Variants in GRIA1 observed in about 807,000 individuals in gnomAD.
GRIA1 encodes glutamate ionotropic receptor AMPA type subunit 1.
A neutral mutation model predicts 99.2 loss-of-function variants in GRIA1; 31 were observed. That is an observed-to-expected ratio of 0.31 (90% CI 0.23 to 0.42). The LOEUF is 0.42. Among genes scored for constraint, GRIA1 ranks in the 10% least tolerant of loss-of-function variants. The pLI, the probability that GRIA1 is intolerant of heterozygous loss-of-function variation, is 1.00. For missense variants in GRIA1, 782 were observed against 1,157.5 expected (o/e 0.68, Z 4.71); for synonymous variants, 438 against 432.4 (o/e 1.01, Z -0.16).
At chr5:153,559,006 G>A (rs941187551) in intron 2 of GRIA1, among the ~76,000 whole-genome samples, 85 of 152,300 alleles carry the variant, frequency 5.6e-4, no homozygotes, top group African/African-American at 1.9e-3. Context: ...TAGGATTGAA[G>A]TGCTTCCCAC....
At chr5:153,559,661 C>T (rs772269245) in intron 2 of GRIA1, among the ~76,000 whole-genome samples, 2 of 152,134 alleles carry the variant, frequency 1.3e-5, no homozygotes, top group Non-Finnish European at 2.9e-5. Flanking sequence ...AACACAAACA[C>T]ATTAGTAATG....
intron 2 of GRIA1, among the ~76,000 whole-genome samples, chr5:153,630,826 G>A (rs1274454269): frequency 6.6e-6 from 1 of 152,232 alleles, no homozygotes; most frequent in African/African-American, 2.4e-5. Context: ...GGCTGTGGTG[G>A]TGGTGGTTGC....
chr5:153,671,783 A>G (rs765551610), intron 5 of GRIA1, among the ~76,000 whole-genome samples: 1 of 152,232 alleles, frequency 6.6e-6, no homozygotes, highest in Non-Finnish European at 1.5e-5. Context: ...CTCTAGGAGC[A>G]GGTTCTAGGA....
chr5:153,668,287 T>C (rs973563163), intron 5 of GRIA1, among the ~76,000 whole-genome samples: 3 of 152,204 alleles, frequency 2.0e-5, no homozygotes, highest in African/African-American at 7.2e-5. Flanking sequence ...TGGTCTTCTC[T>C]CCAAAATCTT....
chr5:153,560,324 C>T (rs1021321969), intron 2 of GRIA1, among the ~76,000 whole-genome samples: 1 of 152,144 alleles, frequency 6.6e-6, no homozygotes, highest in Admixed American at 6.5e-5. Context: ...TTGTCATCTC[C>T]TTCTAGATAA....
intron 5 of GRIA1, among the ~76,000 whole-genome samples, chr5:153,661,947 G>T (rs527796683): frequency 6.6e-6 from 1 of 152,150 alleles, no homozygotes; most frequent in Non-Finnish European, 1.5e-5. Flanking sequence ...TGATGGAAAA[G>T]TCCTACCTCT....
chr5:153,796,318 G>A (rs544956656), intron 14 of GRIA1, among the ~76,000 whole-genome samples: 13 of 152,172 alleles, frequency 8.5e-5, no homozygotes, highest in African/African-American at 2.9e-4. Context: ...TTTGCTTCAC[G>A]TGTTCCTTTA....
rs547704226 is a variant in GRIA1, at chr5:153,491,332, T to C, written c.82+362T>C. The C allele has an allele frequency of 6.9e-6, 8 of 1,167,368 alleles. No homozygotes were observed. The South Asian group carries it at 1.9e-4, about 28-fold the overall frequency. 72.3% of individuals were successfully genotyped at this position (1,167,368 alleles called of 1,614,324 possible). ...AGATGGTGCTTGATTCCATTTTTAA[T>C]GTAAGTATGTATGGTGTGTGTGTTT... On this transcript the variant is annotated intron_variant, in intron 1 of 15. Transcript: ENST00000285900.
At chr5:153,689,778 T>C (rs1581474995) in intron 8 of GRIA1, among the ~76,000 whole-genome samples, 1 of 152,298 alleles carries the variant, frequency 6.6e-6, no homozygotes, top group East Asian at 1.9e-4. Context: ...CCTACTCACA[T>C]TGTTCCTCTC....
At chr5:153,776,900 C>T (rs1764291487) in intron 13 of GRIA1, among the ~76,000 whole-genome samples, 1 of 152,158 alleles carries the variant, frequency 6.6e-6, no homozygotes, top group Non-Finnish European at 1.5e-5. Flanking sequence ...TAGGCCTTCC[C>T]TGGAATCCTT....
chr5:153,642,771 T>A (rs1281763707), intron 2 of GRIA1, among the ~76,000 whole-genome samples: 1 of 152,068 alleles, frequency 6.6e-6, no homozygotes, highest in African/African-American at 2.4e-5. Flanking sequence ...ACACACAGAG[T>A]TCTGATTCTG....
intron 13 of GRIA1, among the ~76,000 whole-genome samples, chr5:153,793,462 G>A (rs1468034007): frequency 6.6e-6 from 1 of 152,166 alleles, no homozygotes; most frequent in Non-Finnish European, 1.5e-5. Flanking sequence ...GTAATCCTTA[G>A]GAGAAAGTAG....
chr5:153,716,417 G>A lies in GRIA1; in HGVS notation c.1823+10350G>A, dbSNP rs113957407. Among the ~76,000 whole-genome samples the A allele has an allele frequency of 8.7e-3, 1,328 of 152,214 alleles. 16 individuals carry two copies. The highest frequency in any genetic ancestry group is 0.03 in the African/African-American group (1,243 of 41,546). The stretch of plus-strand genomic sequence containing the variant: ...GATTGTTATAATTTTTTAAAAAGTG[G>A]GAGACATCCTTTTTCCTTTATAGGA... On this transcript the variant is annotated intron_variant, in intron 11 of 15. Transcript: ENST00000285900.
chr5:153,742,460 C>T (rs1022635303), intron 11 of GRIA1, among the ~76,000 whole-genome samples: 1 of 152,200 alleles, frequency 6.6e-6, no homozygotes, highest in African/African-American at 2.4e-5. Context: ...TATTATCTTA[C>T]AGTTCTGTAG....
intron 2 of GRIA1, among the ~76,000 whole-genome samples, chr5:153,521,785 T>C (rs760127026): frequency 6.6e-6 from 1 of 152,232 alleles, no homozygotes; most frequent in Non-Finnish European, 1.5e-5. Flanking sequence ...TGTGTCTTGC[T>C]GCTCTCATTA....
intron 2 of GRIA1, among the ~76,000 whole-genome samples, chr5:153,583,704 A>C (rs1011720669): frequency 6.6e-6 from 1 of 152,184 alleles, no homozygotes; most frequent in African/African-American, 2.4e-5. Context: ...AGATACCCAA[A>C]ACATGACATG....
intron 4 of GRIA1, among the ~76,000 whole-genome samples, chr5:153,653,329 T>G (rs1262780044): frequency 6.6e-6 from 1 of 152,104 alleles, no homozygotes; most frequent in African/African-American, 2.4e-5. Context: ...GAGGGCTGGG[T>G]TTCATACTGC....
At chr5:153,643,831 G>A (rs951585844) in intron 2 of GRIA1, among the ~76,000 whole-genome samples, 2 of 152,192 alleles carry the variant, frequency 1.3e-5, no homozygotes, top group Non-Finnish European at 1.5e-5. Flanking sequence ...AAAATGTCCT[G>A]GCCTCCTGTG....
At chr5:153,585,175 G>A (rs1763361983) in intron 2 of GRIA1, among the ~76,000 whole-genome samples, 1 of 152,156 alleles carries the variant, frequency 6.6e-6, no homozygotes, top group Middle Eastern at 3.4e-3. Flanking sequence ...GTGCAAGTTG[G>A]AACAGCAGGT....
Sources: gnomAD v4.1 joint callset for allele counts (sites outside exome capture counted in the v4.1 genomes callset) on GRCh38, gnomAD v4.1.1 for gene constraint, MANE v1.5 for transcripts, NCBI Gene and HGNC (gene_info 2026-07-23, HGNC 2026-07-21) for gene names.